Variants in RGS17 observed in about 807,000 individuals in gnomAD.
RGS17 encodes regulator of G protein signaling 17.
RGS17 carries 12 observed loss-of-function variants against 25.5 expected under a neutral mutation model. The observed-to-expected ratio is 0.47, with a 90% confidence interval of 0.30 to 0.76. The LOEUF (loss-of-function observed/expected upper bound fraction) is 0.76, where lower values mean the gene tolerates loss of function less well. Ranked by LOEUF, RGS17 falls within the 30% of genes least tolerant of loss-of-function variation. RGS17 has a pLI of 0.07. For missense variants in RGS17, 196 were observed against 242.2 expected, an observed-to-expected ratio of 0.81 and a Z score of 1.27; for synonymous variants, 71 against 76.9, an observed-to-expected ratio of 0.92 and a Z score of 0.40.
intron 1 of RGS17, among the ~76,000 whole-genome samples, chr6:153,119,551 G>C (rs919689525): frequency 6.6e-6 from 1 of 152,090 alleles, no homozygotes; most frequent in Non-Finnish European, 1.5e-5. Flanking sequence ...AAATTAGCTG[G>C]CTGTGGTGGT....
chr6:153,011,827 T>G (rs983032450), intron 4 of RGS17, 65 bp from the exon 5 acceptor site: 6 of 1,175,650 alleles, frequency 5.1e-6, no homozygotes, highest in African/African-American at 4.7e-5. Flanking sequence ...ATTAAGTAAC[T>G]GTAGGTTTGT....
rs73634649 is a variant in RGS17, at chr6:153,015,957, A to G, written c.445-4195T>C. 6.5e-3 allele frequency among the ~76,000 whole-genome samples: 992 copies of G among 152,196 alleles called. 9 individuals carry two copies. The highest frequency in any genetic ancestry group is 0.023 in the African/African-American group (951 of 41,538). ...TGTGAGCCACCGCGCCCAGCCAAGC[A>G]TATCTTTTATGTGCATTGGGAAGCC... On this transcript the variant is annotated intron_variant, in intron 4 of 4. Transcript: ENST00000206262.
intron 1 of RGS17, among the ~76,000 whole-genome samples, chr6:153,056,487 A>G (rs1776561260): frequency 6.6e-6 from 1 of 152,172 alleles, no homozygotes; most frequent in African/African-American, 2.4e-5. Flanking sequence ...TACTCAGATA[A>G]GATCTTAATT....
chr6:153,039,820 C>T (rs186668264), intron 2 of RGS17, among the ~76,000 whole-genome samples: 1 of 152,290 alleles, frequency 6.6e-6, no homozygotes, highest in East Asian at 1.9e-4. Context: ...TGTGTTATCT[C>T]ACATGTGAGC....
Position 153,008,071 on chromosome 6 carries a change from TGGATAAACTCAAAA to T in RGS17, c.*3489_*3502del, listed in dbSNP as rs1436195000. On this transcript the variant is annotated 3_prime_UTR_variant, in exon 5 of 5. Coordinates refer to ENST00000206262, the MANE Select transcript of RGS17 (RefSeq NM_012419.5). ...TAAATAAGTTAAAGGTATAGAAAAA[TGGATAAACTCAAAA>T]GTAAAAATCAGGCATTATTTTAAAT... 2 of 152,158 alleles carry T rather than the reference TGGATAAACTCAAAA, an allele frequency of 1.3e-5. No individual in the cohort carries two copies. The highest frequency in any genetic ancestry group is 6.5e-5 in the Admixed American group (1 of 15,280). 9.4% of individuals were successfully genotyped at this position (152,158 alleles called of 1,614,324 possible).
At chr6:153,127,393 T>C (rs1019066494) in intron 1 of RGS17, among the ~76,000 whole-genome samples, 1 of 152,210 alleles carries the variant, frequency 6.6e-6, no homozygotes, top group Admixed American at 6.5e-5. Flanking sequence ...TCTTTAGGTA[T>C]TGAGATAATT....
intron 1 of RGS17, among the ~76,000 whole-genome samples, chr6:153,067,046 A>AAAAC (rs71017577): frequency 0.042 from 6,354 of 151,652 alleles, 478 homozygotes; most frequent in South Asian, 0.25. Context: ...TCTCAAAAAC[A>AAAAC]AAACAAACAA....
intron 1 of RGS17, among the ~76,000 whole-genome samples, chr6:153,126,472 T>A (rs1219521200): frequency 5.3e-5 from 6 of 113,400 alleles, no homozygotes; most frequent in Non-Finnish European, 9.6e-5. Flanking sequence ...ACTGAGCATT[T>A]CCTTTCCTTG....
rs894646558 is a variant in RGS17 at position 153,131,278 on chromosome 6, G to C, written c.-180C>G. ...GAGAGCGGCGAGGATGCAGAGGAGG[G>C]GGAGGGGGAGGAGGGAGCGGTGGGC... is the stretch of plus-strand genomic sequence containing the variant. On this transcript the variant is annotated 5_prime_UTR_variant, in exon 1 of 5. Coordinates refer to ENST00000206262, the MANE Select transcript of RGS17 (RefSeq NM_012419.5). 2.7e-5 allele frequency: 4 copies of C among 150,414 alleles called. No homozygotes were observed. The highest frequency in any genetic ancestry group is 9.7e-5 in the African/African-American group (4 of 41,238). 9.3% of individuals were successfully genotyped at this position (150,414 alleles called of 1,614,324 possible).
At chr6:153,058,466 T>C (rs1321390974) in intron 1 of RGS17, among the ~76,000 whole-genome samples, 1 of 152,224 alleles carries the variant, frequency 6.6e-6, no homozygotes, top group East Asian at 1.9e-4. Context: ...GAACTGAGTC[T>C]AAAGTGACTC....
intron 1 of RGS17, among the ~76,000 whole-genome samples, chr6:153,073,870 G>A (rs1348041238): frequency 6.6e-6 from 1 of 152,192 alleles, no homozygotes; most frequent in Non-Finnish European, 1.5e-5. Context: ...GGGGCAAATG[G>A]TGGATATCCA....
Position 153,011,483 on chromosome 6 carries a change from C to G in RGS17, c.*91G>C, listed in dbSNP as rs1779132118. On this transcript the variant is annotated 3_prime_UTR_variant, in exon 5 of 5. Transcript: ENST00000206262. ...TCACAGTAGCCTGAGGAATGCTAAA[C>G]TGTAGTTCTCCAGGAACTCAGTTTC... 1.2e-6 allele frequency: 1 copy of G among 865,236 alleles called. No homozygotes were observed. The highest frequency in any genetic ancestry group is 2.5e-5 in the East Asian group (1 of 39,918). The allele number at this position is 865,236 out of a possible 1,614,324, so 53.6% of individuals were successfully genotyped here.
intron 2 of RGS17, among the ~76,000 whole-genome samples, chr6:153,028,115 G>A (rs1182821092): frequency 6.6e-6 from 1 of 152,146 alleles, no homozygotes; most frequent in Middle Eastern, 3.2e-3. Flanking sequence ...GAACCCAATA[G>A]GAATTGAAAA....
intron 1 of RGS17, among the ~76,000 whole-genome samples, chr6:153,088,610 CTT>C (rs990508438): frequency 2.6e-5 from 4 of 151,830 alleles, no homozygotes; most frequent in African/African-American, 9.7e-5. Flanking sequence ...ATGTTAGAGT[CTT>C]TTATTTTGTT....
chr6:153,069,448 G>A (rs1776753437), intron 1 of RGS17, among the ~76,000 whole-genome samples: 1 of 152,092 alleles, frequency 6.6e-6, no homozygotes, highest in East Asian at 1.9e-4. Flanking sequence ...GGTTACCAGA[G>A]GCCAGGAAGG....
intron 1 of RGS17, among the ~76,000 whole-genome samples, chr6:153,124,257 G>C (rs531552992): frequency 6.6e-6 from 1 of 152,076 alleles, no homozygotes; most frequent in African/African-American, 2.4e-5. Flanking sequence ...TGTGGAAAGG[G>C]GCCACGTTTA....
At chr6:153,073,595 A>C (rs1174977915) in intron 1 of RGS17, among the ~76,000 whole-genome samples, 1 of 152,162 alleles carries the variant, frequency 6.6e-6, no homozygotes, top group African/African-American at 2.4e-5. Flanking sequence ...TGAGGCATGC[A>C]GGCACAAGGA....
chr6:153,016,314 C>A (rs1779183578), intron 4 of RGS17, among the ~76,000 whole-genome samples: 1 of 152,170 alleles, frequency 6.6e-6, no homozygotes, highest in South Asian at 2.1e-4. Flanking sequence ...CTGAGATAAA[C>A]TGATTTATCT....
intron 1 of RGS17, among the ~76,000 whole-genome samples, chr6:153,046,381 C>T (rs116977148): frequency 0.025 from 3,832 of 151,836 alleles, 71 homozygotes; most frequent in Non-Finnish European, 0.038. Flanking sequence ...ATGTTTAAGA[C>T]GATGAATATG....
Sources: allele counts gnomAD v4.1 joint callset (sites outside exome capture counted in the v4.1 genomes callset), GRCh38; gene constraint gnomAD v4.1.1; transcripts MANE v1.5; gene names NCBI Gene and HGNC (gene_info 2026-07-23, HGNC 2026-07-21).